NDUFA10: variants seen among roughly 807,000 people sequenced by gnomAD.
The protein encoded by NDUFA10 is NADH:ubiquinone oxidoreductase subunit A10, also known as NADH dehydrogenase [ubiquinone] 1 alpha subcomplex subunit 10, mitochondrial.
NDUFA10 carries 40 observed loss-of-function variants against 47.8 expected under a neutral mutation model. The observed-to-expected ratio is 0.84, with a 90% confidence interval of 0.65 to 1.09. The LOEUF (loss-of-function observed/expected upper bound fraction) is 1.09, where lower values mean the gene tolerates loss of function less well. NDUFA10 is among the 50% of genes least tolerant of loss of function. The probability of loss-of-function intolerance (pLI) is 0.00; values close to 1 mark genes in which losing one functional copy is unlikely to be tolerated. For missense variants in NDUFA10, 413 were observed against 451.1 expected (o/e 0.92, Z 0.76); for synonymous variants, 183 against 172.2 (o/e 1.06, Z -0.49).
At chr2:239,903,062 G>A (rs976191619) in intron 4 of NDUFA10, among the ~76,000 whole-genome samples, 14 of 152,142 alleles carry the variant, frequency 9.2e-5, no homozygotes, top group African/African-American at 1.2e-4. Context: ...GGCAATGAGT[G>A]GCTGTGGTGG....
intron 4 of NDUFA10, among the ~76,000 whole-genome samples, chr2:239,949,115 G>A (rs1395770514): frequency 6.6e-6 from 1 of 152,208 alleles, no homozygotes; most frequent in East Asian, 1.9e-4. Flanking sequence ...AGCTCATTAT[G>A]ACCAGGATAG....
intron 4 of NDUFA10, among the ~76,000 whole-genome samples, chr2:239,931,573 C>G (rs1247470613): frequency 6.6e-6 from 1 of 152,242 alleles, no homozygotes; most frequent in Non-Finnish European, 1.5e-5. Context: ...AGGGTCTCCA[C>G]CTGCACTGTG....
intron 4 of NDUFA10, among the ~76,000 whole-genome samples, chr2:239,921,368 G>A (rs10165111): frequency 0.048 from 7,015 of 147,106 alleles, 544 homozygotes; most frequent in African/African-American, 0.17. Flanking sequence ...TCTACAGCGT[G>A]GAAAGGAACC....
chr2:239,920,845 G>T (rs556124264), intron 4 of NDUFA10, among the ~76,000 whole-genome samples: 1 of 152,200 alleles, frequency 6.6e-6, no homozygotes, highest in Non-Finnish European at 1.5e-5. Context: ...AGAAGGCGGA[G>T]GGGTGGGGTC....
intron 4 of NDUFA10, among the ~76,000 whole-genome samples, chr2:239,948,322 C>G (rs1348890989): frequency 6.6e-6 from 1 of 152,256 alleles, no homozygotes; most frequent in African/African-American, 2.4e-5. Flanking sequence ...AGGCCCTGTT[C>G]AGAGGCTCCC....
intron 3 of NDUFA10, among the ~76,000 whole-genome samples, chr2:240,020,209 C>T (rs1461709673): frequency 1.3e-5 from 2 of 152,216 alleles, no homozygotes; most frequent in African/African-American, 2.4e-5. Context: ...CTTGTTCTCA[C>T]GGCTCAGACC....
intron 5 of NDUFA10, chr2:240,014,317 C>G (rs543924036): frequency 2.5e-5 from 7 of 285,622 alleles, no homozygotes; most frequent in African/African-American, 8.7e-5. Context: ...GGGAGAGGCA[C>G]GATTTGCGTT....
intron 8 of NDUFA10, among the ~76,000 whole-genome samples, chr2:239,993,994 A>G (rs550613302): frequency 1.8e-4 from 27 of 152,072 alleles, no homozygotes; most frequent in Middle Eastern, 3.2e-3. Flanking sequence ...TGCCCCACAC[A>G]GTCACACAAC....
chr2:239,916,522 T>G (rs1693882963), intron 4 of NDUFA10, among the ~76,000 whole-genome samples: 2 of 152,180 alleles, frequency 1.3e-5, no homozygotes, highest in Non-Finnish European at 2.9e-5. Flanking sequence ...CCAAGCTCAG[T>G]TCCCTGACAT....
intron 4 of NDUFA10, among the ~76,000 whole-genome samples, chr2:239,908,272 A>G (rs1269027992): frequency 2.0e-5 from 3 of 152,204 alleles, no homozygotes; most frequent in South Asian, 2.1e-4. Context: ...GGGGAGGGAT[A>G]GCATTAGGAG....
chr2:240,019,213 C>G (rs1183887717), intron 3 of NDUFA10, among the ~76,000 whole-genome samples: 2 of 152,194 alleles, frequency 1.3e-5, no homozygotes, highest in Non-Finnish European at 2.9e-5. Context: ...TCACTTGGGG[C>G]AAGACATTCC....
At chr2:239,934,383 C>A (rs1453731102) in intron 4 of NDUFA10, among the ~76,000 whole-genome samples, 1 of 151,344 alleles carries the variant, frequency 6.6e-6, no homozygotes, top group Non-Finnish European at 1.5e-5. Flanking sequence ...CACCCCCAGC[C>A]TGACGAACCA....
At chr2:239,915,880 C>T (rs1693860138) in intron 4 of NDUFA10, among the ~76,000 whole-genome samples, 2 of 150,528 alleles carry the variant, frequency 1.3e-5, no homozygotes, top group African/African-American at 4.9e-5. Context: ...TACAGACACA[C>T]ACAGAGAGAC....
chr2:239,904,637 C>T (rs940280476), intron 4 of NDUFA10, among the ~76,000 whole-genome samples: 2 of 152,214 alleles, frequency 1.3e-5, no homozygotes, highest in African/African-American at 4.8e-5. Context: ...AGACTGCAGG[C>T]CCTGCCCTAG....
downstream of NDUFA10, among the ~76,000 whole-genome samples, chr2:239,955,078 T>C (rs1421011722): frequency 1.3e-5 from 2 of 152,250 alleles, no homozygotes; most frequent in Non-Finnish European, 2.9e-5. Flanking sequence ...GGCTGGCACA[T>C]ACCATGTTCT....
At chr2:239,929,280 G>C (rs777815638) in intron 4 of NDUFA10, among the ~76,000 whole-genome samples, 2 of 152,178 alleles carry the variant, frequency 1.3e-5, no homozygotes, top group Admixed American at 6.5e-5. Context: ...GGTTACGGAG[G>C]ACGGTACCGG....
At chr2:239,997,029 G>A (rs1696509470) in intron 8 of NDUFA10, among the ~76,000 whole-genome samples, 1 of 151,868 alleles carries the variant, frequency 6.6e-6, no homozygotes, top group Non-Finnish European at 1.5e-5. Flanking sequence ...TTGTTATACT[G>A]TATTTTTACA....
At chr2:239,939,759 G>A (rs1021606169) in intron 4 of NDUFA10, among the ~76,000 whole-genome samples, 8 of 152,218 alleles carry the variant, frequency 5.3e-5, no homozygotes, top group Admixed American at 3.9e-4. Flanking sequence ...CCAGGCACAC[G>A]GAAACAGGGC....
At chr2:240,019,149 T>G (rs1697500842) in intron 3 of NDUFA10, among the ~76,000 whole-genome samples, 1 of 152,160 alleles carries the variant, frequency 6.6e-6, no homozygotes, top group African/African-American at 2.4e-5. Context: ...AGGCCTCCCC[T>G]AATCTTCCTA....
Sources: allele counts gnomAD v4.1 joint callset (sites outside exome capture counted in the v4.1 genomes callset), GRCh38; gene constraint gnomAD v4.1.1; transcripts MANE v1.5; gene names NCBI Gene and HGNC (gene_info 2026-07-23, HGNC 2026-07-21).